The following COL13A1 variants were observed in gnomAD, a reference collection of about 807,000 sequenced individuals.
COL13A1 encodes the protein collagen type XIII alpha 1 chain.
A neutral mutation model predicts 130.9 loss-of-function variants in COL13A1; 89 were observed. The ratio of observed to expected loss-of-function variants is 0.68; its 90% CI spans 0.57 to 0.81. The LOEUF (loss-of-function observed/expected upper bound fraction) is 0.81, where lower values mean the gene tolerates loss of function less well. Ranked by LOEUF, COL13A1 falls within the 30% of genes least tolerant of loss-of-function variation. COL13A1 has a pLI of 0.00. For synonymous variants in COL13A1, 402 were observed against 341.6 expected (o/e 1.18, Z -1.95); for missense variants, 879 against 934.6 (o/e 0.94, Z 0.78).
intron 2 of COL13A1, among the ~76,000 whole-genome samples, chr10:69,841,121 G>A (rs1355475083): frequency 6.6e-6 from 1 of 151,492 alleles, no homozygotes; most frequent in Non-Finnish European, 1.5e-5. Context: ...TGGGGCTTAG[G>A]AGCAGGGCTC....
At chr10:69,913,866 G>A (rs1258726159) in intron 17 of COL13A1, among the ~76,000 whole-genome samples, 13 of 151,724 alleles carry the variant, frequency 8.6e-5, no homozygotes, top group Non-Finnish European at 1.2e-4. Context: ...AAGCAAGGGG[G>A]TGGGAGGGAG....
chr10:69,945,731 C>G lies in COL13A1; in HGVS notation c.2022+7C>G, dbSNP rs756823341. On this transcript the variant is annotated splice_region_variant and intron_variant, in intron 37 of 40. Coordinates refer to ENST00000645393, the MANE Select transcript of COL13A1 (RefSeq NM_001368882.1). ...GGGAGCAGCTGGGCTTCCTGTGAGT[C>G]TCTTGGGATCAGAGGTTCCTCTCCT... 1.2e-5 allele frequency: 19 copies of G among 1,610,616 alleles called. No individual in the cohort carries two copies. Among genetic ancestry groups the G allele is most frequent in the African/African-American group, 2.7e-5 (2 of 74,874 alleles).
At chr10:69,908,232 C>T (rs113361449) in intron 17 of COL13A1, among the ~76,000 whole-genome samples, 16 of 152,344 alleles carry the variant, frequency 1.1e-4, no homozygotes, top group African/African-American at 3.1e-4. Flanking sequence ...TCGCACACTG[C>T]AGTCATGAGG....
intron 2 of COL13A1, among the ~76,000 whole-genome samples, chr10:69,867,007 G>A (rs940461370): frequency 2.0e-5 from 3 of 152,116 alleles, no homozygotes; most frequent in Admixed American, 6.5e-5. Context: ...ATCTTTCTGG[G>A]ACTGCTTTTC....
intron 2 of COL13A1, among the ~76,000 whole-genome samples, chr10:69,867,324 G>A (rs777947119): frequency 1.3e-4 from 20 of 152,230 alleles, no homozygotes; most frequent in Non-Finnish European, 2.8e-4. Context: ...GTGCACAGTG[G>A]CCATCCACGC....
intron 2 of COL13A1, among the ~76,000 whole-genome samples, chr10:69,856,684 T>C (rs1354775100): frequency 1.3e-5 from 2 of 152,212 alleles, no homozygotes; most frequent in East Asian, 1.9e-4. Flanking sequence ...GCTGGAGAAC[T>C]GTCGATGCCT....
chr10:69,958,740 C>T lies in COL13A1; in HGVS notation c.*39C>T. ...GGATTGGCCTGTGTGTGTGTTTGTA[C>T]ATAGAATATTTATTTTTATACAGTT... is the stretch of plus-strand genomic sequence containing the variant. On this transcript the variant is annotated 3_prime_UTR_variant, in exon 41 of 41. Transcript: ENST00000645393. 1.9e-6 allele frequency: 3 copies of T among 1,612,346 alleles called. No homozygotes were observed. The highest frequency in any genetic ancestry group is 1.7e-6 in the Non-Finnish European group (2 of 1,179,474).
intron 10 of COL13A1, among the ~76,000 whole-genome samples, chr10:69,894,036 A>G (rs766708291): frequency 1.1e-4 from 16 of 152,234 alleles, no homozygotes; most frequent in Non-Finnish European, 1.6e-4. Flanking sequence ...TCCTTGGAGA[A>G]GTCCAGAACA....
At chr10:69,885,772 G>A (rs1181965572) in intron 7 of COL13A1, among the ~76,000 whole-genome samples, 1 of 152,200 alleles carries the variant, frequency 6.6e-6, no homozygotes, top group Non-Finnish European at 1.5e-5. Flanking sequence ...ACATTGTGTG[G>A]TTTCCGGGTT....
intron 1 of COL13A1, among the ~76,000 whole-genome samples, chr10:69,808,124 G>A (rs920796998): frequency 6.6e-6 from 1 of 152,220 alleles, no homozygotes; most frequent in Non-Finnish European, 1.5e-5. Flanking sequence ...AAAGGTCTTC[G>A]AACTAGCAGA....
rs116099009 is a variant in COL13A1, at chr10:69,813,823, C to T, written c.295-8546C>T. 1.0e-2 allele frequency among the ~76,000 whole-genome samples: 1,519 copies of T among 152,278 alleles called. 22 individuals are homozygous for T. The highest frequency in any genetic ancestry group is 0.034 in the Middle Eastern group (10 of 294). On this transcript the variant is annotated intron_variant, in intron 1 of 40. Transcript: ENST00000645393. ...CTTTGGTGGAGCCAGCCCTCTCCTG[C>T]AGTCCCTGGGATGTAGCCCATGGGG...
chr10:69,945,680 G>T lies in COL13A1; in HGVS notation c.1978G>T (p.Gly660Ter). ...CTTTCTCCCATTTCAGGGCAGCAAA[G>T]GAGACCCTGGGATGACAGGACCAAC... ...AGPKGERGSKGDPGMTGPTGA... is the reference protein window; with the variant it reads ...AGPKGERGSK The change falls in exon 37 of 41, where the codon GGA becomes TGA. Residue 660 changes from glycine (G) to a stop codon, truncating the protein, a stop_gained. Transcript: ENST00000645393. LOFTEE classifies it high-confidence loss of function. 6.2e-7 allele frequency: 1 copy of T among 1,613,070 alleles called. No individual in the cohort carries two copies. Among genetic ancestry groups the T allele is most frequent in the East Asian group, 2.2e-5 (1 of 44,846 alleles).
At chr10:69,851,840 A>G (rs1161350210) in intron 2 of COL13A1, among the ~76,000 whole-genome samples, 1 of 152,102 alleles carries the variant, frequency 6.6e-6, no homozygotes, top group Non-Finnish European at 1.5e-5. Flanking sequence ...TTTTTAGTAG[A>G]GGTGGGGTTT....
chr10:69,935,493 C>T (rs1360420019), intron 32 of COL13A1, 102 bp downstream of exon 32: 1 of 878,934 alleles, frequency 1.1e-6, no homozygotes, highest in Non-Finnish European at 1.7e-6. Flanking sequence ...CTCTTCCTCC[C>T]AGGGAGGGAT....
At position 69,802,284 on chromosome 10, in the gene COL13A1, CCGGGAGCAG is replaced by C. The variant is rs1840204708; in HGVS notation, c.-136_-128del. ...ACTGCTAATTTTTCCGTCCTCTTTG[CCGGGAGCAG>C]CGGAAAGGGACGTTTTCCAGCGATA... On this transcript the variant is annotated 5_prime_UTR_variant, in exon 1 of 41. Transcript: ENST00000645393. 11 of 1,046,644 alleles carry C rather than the reference CCGGGAGCAG, an allele frequency of 1.1e-5. No homozygotes were observed. In the South Asian group the frequency reaches 2.4e-4, roughly 23 times the overall value. The allele number at this position is 1,046,644 out of a possible 1,614,324, so 64.8% of individuals were successfully genotyped here.
intron 3 of COL13A1, among the ~76,000 whole-genome samples, chr10:69,870,174 T>C (rs2058916260): frequency 6.9e-6 from 1 of 145,344 alleles, no homozygotes; most frequent in African/African-American, 2.5e-5. Flanking sequence ...GTGTGTGTAC[T>C]GTATATATAT....
Position 69,894,737 on chromosome 10 carries a change from C to T in COL13A1, c.657+36C>T, listed in dbSNP as rs374654204. 5.0e-6 allele frequency: 8 copies of T among 1,613,074 alleles called. No individual in the cohort carries two copies. The African/African-American group carries it at 6.7e-5, about 13-fold the overall frequency. On this transcript the variant is annotated intron_variant, in intron 12 of 40. Transcript: ENST00000645393. The stretch of plus-strand genomic sequence containing the variant: ...TGGAGGTTTCCTAGAGTCTCCATCT[C>T]AGGAAATGGCCTCCCAGTTGGTAGA...
At chr10:69,851,101 G>A (rs1307989409) in intron 2 of COL13A1, among the ~76,000 whole-genome samples, 2 of 152,252 alleles carry the variant, frequency 1.3e-5, no homozygotes, top group Admixed American at 6.5e-5. Flanking sequence ...TCACTAAGGG[G>A]AACCATGCAC....
intron 37 of COL13A1, 43 bp downstream of exon 37, chr10:69,945,767 C>T (rs773388709): frequency 2.5e-6 from 4 of 1,589,058 alleles, no homozygotes; most frequent in African/African-American, 2.7e-5. Flanking sequence ...CCCACCCCTG[C>T]CCCCATTAGA....
Sources: allele counts gnomAD v4.1 joint callset (sites outside exome capture counted in the v4.1 genomes callset), GRCh38; gene constraint gnomAD v4.1.1; transcripts MANE v1.5; gene names NCBI Gene and HGNC (gene_info 2026-07-23, HGNC 2026-07-21).